CEP170: variants seen among roughly 807,000 people sequenced by gnomAD.
CEP170 encodes centrosomal protein of 170 kDa.
Under a neutral mutation model 151.9 loss-of-function variants are expected in CEP170, and 21 were observed. The observed-to-expected ratio is 0.14, with a 90% CI of 0.10 to 0.20. CEP170 has a LOEUF of 0.20. Ranked by LOEUF, CEP170 falls within the 10% of genes least tolerant of loss-of-function variation. The probability of loss-of-function intolerance (pLI) is 1.00; values close to 1 mark genes in which losing one functional copy is unlikely to be tolerated. For missense variants in CEP170, 964 were observed against 1,892.9 expected (o/e 0.51, Z 9.11); for synonymous variants, 356 against 648.8 (o/e 0.55, Z 6.86).
intron 14 of CEP170, among the ~76,000 whole-genome samples, chr1:243,146,834 C>G (rs1290142874): frequency 3.3e-5 from 5 of 152,140 alleles, no homozygotes; most frequent in Admixed American, 3.3e-4. Context: ...ACCAACGGGA[C>G]TTATATAACA....
At chr1:243,247,662 CTTAT>C (rs2065546188) in intron 1 of CEP170, among the ~76,000 whole-genome samples, 1 of 152,102 alleles carries the variant, frequency 6.6e-6, no homozygotes, top group Admixed American at 6.5e-5. Flanking sequence ...CCTGGTTGTT[CTTAT>C]CCTCTTTCTA....
At chr1:243,244,989 A>C (rs2065231876) in intron 1 of CEP170, among the ~76,000 whole-genome samples, 1 of 152,214 alleles carries the variant, frequency 6.6e-6, no homozygotes, top group South Asian at 2.1e-4. Context: ...GTTGGGTAAA[A>C]ATAACAAATT....
chr1:243,166,836 A>G (rs2058480800), intron 12 of CEP170, among the ~76,000 whole-genome samples: 2 of 152,094 alleles, frequency 1.3e-5, no homozygotes, highest in Non-Finnish European at 2.9e-5. Context: ...TGGCTAAGTC[A>G]AGCTAATTAA....
intron 14 of CEP170, among the ~76,000 whole-genome samples, chr1:243,153,258 T>A (rs1433663716): frequency 6.6e-6 from 1 of 152,162 alleles, no homozygotes; most frequent in African/African-American, 2.4e-5. Context: ...TGCAATAGAA[T>A]CTACTGGTGA....
At chr1:243,251,659 A>G (rs2065950548) in intron 1 of CEP170, among the ~76,000 whole-genome samples, 2 of 152,178 alleles carry the variant, frequency 1.3e-5, no homozygotes, top group Admixed American at 6.5e-5. Context: ...ATCATTTATT[A>G]CTTATGGATA....
In CEP170 at chr1:243,216,733, A is replaced by G. The variant is rs149096648; in HGVS notation, c.196-4769T>C. On this transcript the variant is annotated intron_variant, in intron 3 of 19. Coordinates refer to ENST00000366542, the MANE Select transcript of CEP170 (RefSeq NM_014812.3). ...CCATTAAGACTCTAGATTATATCCT[A>G]GAATGATTTATGAGTAATCCTAAAT... Among the ~76,000 whole-genome samples, 59 of 152,330 alleles carry G rather than the reference A, an allele frequency of 3.9e-4. No homozygotes were observed. The East Asian group carries it at 0.011, about 28-fold the overall frequency.
chr1:243,175,184 A>G (rs1416125057), intron 10 of CEP170: 1 of 152,200 alleles, frequency 6.6e-6, no homozygotes, highest in Admixed American at 6.5e-5. Flanking sequence ...TTCTGACACC[A>G]CTTTGAAATG....
chr1:243,207,291 TA>T (rs1428181830), intron 4 of CEP170, among the ~76,000 whole-genome samples: 1 of 152,172 alleles, frequency 6.6e-6, no homozygotes, highest in African/African-American at 2.4e-5. Context: ...TTATTATGGA[TA>T]AAGCAGGTCA....
At chr1:243,250,373 G>T (rs1016227843) in intron 1 of CEP170, among the ~76,000 whole-genome samples, 1 of 152,182 alleles carries the variant, frequency 6.6e-6, no homozygotes, top group African/African-American at 2.4e-5. Flanking sequence ...CTATAGCTAC[G>T]TTCACGGAGA....
intron 19 of CEP170, among the ~76,000 whole-genome samples, chr1:243,127,754 T>C (rs934070769): frequency 6.6e-6 from 1 of 152,212 alleles, no homozygotes; most frequent in Non-Finnish European, 1.5e-5. Flanking sequence ...CTCTGACAAG[T>C]TTAGAGGGCA....
rs773221196 is a variant in CEP170 at position 243,137,779 on chromosome 1, T to TA, written c.4231-1549dup. 9.1e-3 allele frequency among the ~76,000 whole-genome samples: 879 copies of TA among 96,948 alleles called. 10 individuals carry two copies. The highest frequency in any genetic ancestry group is 0.023 in the African/African-American group (642 of 28,022). 63.6% of individuals were successfully genotyped at this position (96,948 alleles called of 152,430 possible). On this transcript the variant is annotated intron_variant, in intron 16 of 19. Coordinates refer to ENST00000366542, the MANE Select transcript of CEP170 (RefSeq NM_014812.3). ...ACAAAGCGAGACTCCCTCTCAAAAT[T>TA]AAAAAAAAAAAAAAAAAAGAATTCT...
chr1:243,244,910 T>G (rs2065222955), intron 1 of CEP170, among the ~76,000 whole-genome samples: 1 of 152,202 alleles, frequency 6.6e-6, no homozygotes, highest in South Asian at 2.1e-4. Context: ...TAATAAAATT[T>G]CATGTAGTGA....
At chr1:243,184,471 T>C (rs2059817874) in intron 10 of CEP170, among the ~76,000 whole-genome samples, 1 of 151,702 alleles carries the variant, frequency 6.6e-6, no homozygotes, top group African/African-American at 2.4e-5. Flanking sequence ...TTAAACACTA[T>C]ACTTTTCATA....
chr1:243,154,559 A>C (rs2057388910), intron 14 of CEP170, among the ~76,000 whole-genome samples: 1 of 152,238 alleles, frequency 6.6e-6, no homozygotes, highest in South Asian at 2.1e-4. Flanking sequence ...AGAAAGTATA[A>C]CTTGAAAAAT....
At chr1:243,157,557 A>C (rs953199613) in intron 13 of CEP170, among the ~76,000 whole-genome samples, 1 of 152,204 alleles carries the variant, frequency 6.6e-6, no homozygotes, top group Non-Finnish European at 1.5e-5. Context: ...CTTTTCCGAA[A>C]CCTAGTGAAA....
chr1:243,155,842 A>T (rs2057497342), intron 14 of CEP170, among the ~76,000 whole-genome samples: 1 of 152,162 alleles, frequency 6.6e-6, no homozygotes, highest in South Asian at 2.1e-4. Flanking sequence ...TAAAAGGTAT[A>T]CTATTACATC....
chr1:243,226,195 CTAGATATA>C (rs200690958), intron 1 of CEP170, among the ~76,000 whole-genome samples: 112,891 of 136,762 alleles, frequency 0.83, 46,356 homozygotes, highest in East Asian at 0.94. Context: ...ATATATATAT[CTAGATATA>C]TATATATCTA....
At chr1:243,147,507 C>A (rs983463915) in intron 14 of CEP170, among the ~76,000 whole-genome samples, 9 of 152,088 alleles carry the variant, frequency 5.9e-5, no homozygotes, top group African/African-American at 2.2e-4. Context: ...TTAAGGTTTC[C>A]TAGAAATGTG....
chr1:243,197,596 GTAGCATGTACCCCTTCCT>G (rs2060739716), intron 7 of CEP170, among the ~76,000 whole-genome samples: 1 of 151,980 alleles, frequency 6.6e-6, no homozygotes, highest in South Asian at 2.1e-4. Context: ...TGTGATCAAA[GTAGCATGTACCCCTTCCT>G]GCTACTGGCA....
Sources: allele counts gnomAD v4.1 joint callset (sites outside exome capture counted in the v4.1 genomes callset), GRCh38; gene constraint gnomAD v4.1.1; transcripts MANE v1.5; gene names NCBI Gene and HGNC (gene_info 2026-07-23, HGNC 2026-07-21).